The following REXO5 variants were observed in gnomAD, a reference collection of about 807,000 sequenced individuals.
REXO5 encodes exonuclease NEF-sp.
Under a neutral mutation model 88.5 loss-of-function variants are expected in REXO5, and 48 were observed. The observed-to-expected ratio is 0.54, with a 90% confidence interval of 0.43 to 0.69. The LOEUF (loss-of-function observed/expected upper bound fraction) is 0.69. Among genes scored for constraint, REXO5 ranks in the 30% least tolerant of loss-of-function variants. The probability of loss-of-function intolerance (pLI) is 0.00; values close to 1 mark genes in which losing one functional copy is unlikely to be tolerated. For synonymous variants in REXO5, 311 were observed against 336.5 expected, an observed-to-expected ratio of 0.92 and a Z score of 0.83; for missense variants, 749 against 912.2, an observed-to-expected ratio of 0.82 and a Z score of 2.30.
intron 12 of REXO5, among the ~76,000 whole-genome samples, chr16:20,832,609 G>A (rs1315334902): frequency 6.6e-6 from 1 of 152,062 alleles, no homozygotes; most frequent in African/African-American, 2.4e-5. Context: ...TTGTTGTATT[G>A]CCCAGACTAT....
In REXO5 at chr16:20,813,344, C is replaced by CTT. The variant is rs56875427; in HGVS notation, c.251+61_251+62dup. 5.4e-3 allele frequency: 3,453 copies of CTT among 642,120 alleles called. 41 individuals are homozygous for CTT. The highest frequency in any genetic ancestry group is 0.041 in the African/African-American group (1,843 of 45,428). The allele number at this position is 642,120 out of a possible 1,614,324, so 39.8% of individuals were successfully genotyped here. A position where few individuals can be genotyped will look rare whatever the true frequency, so the allele number is the denominator to read the frequency against. On this transcript the variant is annotated intron_variant, in intron 3 of 19. Transcript: ENST00000261377. Reference sequence around the variant, plus strand: ...AATGGTGGGTATTGACCAGCGGTTTCTTTTTTTTTTTTTTTTTTTTACCTC... The same window carrying CTT: ...AATGGTGGGTATTGACCAGCGGTTTCTTTTTTTTTTTTTTTTTTTTTTACCTC...
At chr16:20,819,474 G>A (rs1322177646) in intron 5 of REXO5, among the ~76,000 whole-genome samples, 1 of 124,604 alleles carries the variant, frequency 8.0e-6, no homozygotes, top group Non-Finnish European at 1.6e-5. Context: ...TTTAAATTTA[G>A]GCTGGGCGCA....
At chr16:20,843,322 G>A (rs2081558983) in intron 15 of REXO5, among the ~76,000 whole-genome samples, 1 of 152,050 alleles carries the variant, frequency 6.6e-6, no homozygotes, top group African/African-American at 2.4e-5. Context: ...CATTCTGTGG[G>A]TTGCTTTTTG....
rs2081661402 is a variant in REXO5 at position 20,849,537 on chromosome 16, A to C, written c.*57A>C. ...TTACCCCTTGTAGGCAATGGCAAAG[A>C]ATGTGGTCAGGCTGTAGCCTCCCCA... On this transcript the variant is annotated 3_prime_UTR_variant, in exon 20 of 20. Transcript: ENST00000261377. 6.6e-7 allele frequency: 1 copy of C among 1,512,112 alleles called. No homozygotes were observed. Among genetic ancestry groups the C allele is most frequent in the East Asian group, 2.2e-5 (1 of 44,446 alleles). The allele number at this position is 1,512,112 out of a possible 1,614,324, so 93.7% of individuals were successfully genotyped here.
chr16:20,845,360 T>A, intron 18 of REXO5, 119 bp downstream of exon 18: 1 of 795,528 alleles, frequency 1.3e-6, no homozygotes, highest in Non-Finnish European at 1.8e-6. Flanking sequence ...CTCTCCAGCT[T>A]CCTCCAGTCC....
Position 20,814,914 on chromosome 16 carries a change from G to C in REXO5, c.252-13G>C, listed in dbSNP as rs1163003775. On this transcript the variant is annotated splice_polypyrimidine_tract_variant and intron_variant, in intron 3 of 19. Transcript: ENST00000261377. ...CCATCTGTCTTAACTGTGTTGGTTT[G>C]ATTTCTTGGCAGCTGGTGCCAGCTT... 6.2e-7 allele frequency: 1 copy of C among 1,609,702 alleles called. No individual in the cohort carries two copies. The highest frequency in any genetic ancestry group is 8.5e-7 in the Non-Finnish European group (1 of 1,178,226).
At chr16:20,834,942 A>G (rs2081402644) in intron 13 of REXO5, among the ~76,000 whole-genome samples, 1 of 152,186 alleles carries the variant, frequency 6.6e-6, no homozygotes, top group Non-Finnish European at 1.5e-5. Context: ...ATTAACTGAA[A>G]TTGATTGGTT....
At chr16:20,808,530 C>T (rs191244091) in intron 2 of REXO5, among the ~76,000 whole-genome samples, 28 of 151,962 alleles carry the variant, frequency 1.8e-4, no homozygotes, top group Admixed American at 1.2e-3. Context: ...AAGTTCACTG[C>T]CCTAGTAGGT....
chr16:20,825,337 A>G (rs1229256702), intron 7 of REXO5, among the ~76,000 whole-genome samples: 1 of 152,194 alleles, frequency 6.6e-6, no homozygotes, highest in Non-Finnish European at 1.5e-5. Context: ...ATCAGGGTGT[A>G]TATCCTGTCC....
chr16:20,836,456 A>G (rs1161568564), intron 13 of REXO5, among the ~76,000 whole-genome samples: 3 of 152,076 alleles, frequency 2.0e-5, no homozygotes, highest in African/African-American at 7.2e-5. Flanking sequence ...TCACTGCTTT[A>G]TAGTTTTTTT....
At chr16:20,819,573 T>G (rs1356714924) in intron 5 of REXO5, among the ~76,000 whole-genome samples, 2 of 150,464 alleles carry the variant, frequency 1.3e-5, no homozygotes, top group African/African-American at 4.9e-5. Flanking sequence ...CTGACCAACA[T>G]GGAGAAATCC....
At chr16:20,836,538 A>G (rs2081433291) in intron 13 of REXO5, among the ~76,000 whole-genome samples, 1 of 152,210 alleles carries the variant, frequency 6.6e-6, no homozygotes, top group African/African-American at 2.4e-5. Context: ...GCTGATAGAC[A>G]TCTTGGCTGC....
intron 11 of REXO5, among the ~76,000 whole-genome samples, 176 bp from the exon 12 acceptor site, chr16:20,831,980 T>C (rs2081352089): frequency 6.6e-6 from 1 of 152,202 alleles, no homozygotes; most frequent in Non-Finnish European, 1.5e-5. Flanking sequence ...AACCATCTGG[T>C]AACTATTGAA....
chr16:20,825,785 G>A, intron 7 of REXO5, 48 bp from the exon 8 acceptor site: 1 of 1,310,704 alleles, frequency 7.6e-7, no homozygotes, highest in Non-Finnish European at 1.1e-6. Context: ...GTAAGAAGAA[G>A]CAATAACTTC....
At chr16:20,825,673 C>G in intron 7 of REXO5, 160 bp from the exon 8 acceptor site, 1 of 586,824 alleles carries the variant, frequency 1.7e-6, no homozygotes, top group South Asian at 2.2e-5. Flanking sequence ...GCCTGCCCAG[C>G]TTTAATTTCA....
intron 6 of REXO5, 72 bp downstream of exon 6, chr16:20,821,974 T>TGA: frequency 7.2e-7 from 1 of 1,393,256 alleles, no homozygotes; most frequent in Non-Finnish European, 9.5e-7. Context: ...TACTACTGTT[T>TGA]GAGATTCATT....
At position 20,846,283 on chromosome 16, in the gene REXO5, C is replaced by G; in HGVS notation, c.2187C>G (p.Leu729=). The G allele has an allele frequency of 6.2e-7, 1 of 1,614,054 alleles. No individual in the cohort carries two copies. The highest frequency in any genetic ancestry group is 8.5e-7 in the Non-Finnish European group (1 of 1,179,942). ...GCTGGAGCCGGAAGATTGGAAAGCT[C>G]TACAACAGCTTGTGCCCGGGCACTC... ...AWRWSRKIGK[L]YNSLCPGTLC... is the part of the protein sequence containing the mutation. Residue 729 remains leucine (L), a synonymous_variant, in exon 19 of 20, where the codon CTC becomes CTG. Transcript: ENST00000261377.
chr16:20,847,145 C>A (rs543975307), intron 19 of REXO5, among the ~76,000 whole-genome samples: 16 of 151,980 alleles, frequency 1.1e-4, no homozygotes, highest in Non-Finnish European at 2.1e-4. Flanking sequence ...CGCAGTGGCT[C>A]ATGCCTATAA....
At chr16:20,807,638 A>C (rs1453432770) in intron 2 of REXO5, among the ~76,000 whole-genome samples, 1 of 149,968 alleles carries the variant, frequency 6.7e-6, no homozygotes, top group Non-Finnish European at 1.5e-5. Flanking sequence ...GCAGTGGCTC[A>C]CGCCTGTAAT....
Sources: gnomAD v4.1 joint callset for allele counts (sites outside exome capture counted in the v4.1 genomes callset) on GRCh38, gnomAD v4.1.1 for gene constraint, MANE v1.5 for transcripts, NCBI Gene and HGNC (gene_info 2026-07-23, HGNC 2026-07-21) for gene names.